The following RAB13 variants were observed in gnomAD, a reference collection of about 807,000 sequenced individuals.
RAB13 encodes RAB13, member RAS oncogene family, also known as ras-related protein Rab-13.
In RAB13, 15 loss-of-function variants were observed where a neutral mutation model predicts 29.3. That is an observed-to-expected ratio of 0.51 (90% CI 0.34 to 0.79). The LOEUF is 0.79. Among genes scored for constraint, RAB13 ranks in the 30% least tolerant of loss-of-function variants. The pLI, the probability that RAB13 is intolerant of heterozygous loss-of-function variation, is 0.01. For synonymous variants in RAB13, 82 were observed against 93.8 expected (o/e 0.87, Z 0.73); for missense variants, 186 against 255.5 (o/e 0.73, Z 1.85).
At chr1:153,982,628 T>C (rs1343401096) in intron 5 of RAB13, 28 bp from the exon 6 acceptor site, 1 of 1,612,154 alleles carries the variant, frequency 6.2e-7, no homozygotes, top group Non-Finnish European at 8.5e-7. Context: ...GGAAGAGAAT[T>C]GAATTAAGGA....
chr1:153,987,964 A>G (rs1179067496), upstream of RAB13, among the ~76,000 whole-genome samples: 10 of 151,292 alleles, frequency 6.6e-5, no homozygotes, highest in Admixed American at 6.6e-4. Context: ...GTTTCAAAAA[A>G]ATTTTTTATT....
chr1:153,982,451 T>C lies in RAB13; in HGVS notation c.481-7A>G, dbSNP rs748737518. On this transcript the variant is annotated splice_polypyrimidine_tract_variant and splice_region_variant and intron_variant, in intron 6 of 7. Coordinates refer to ENST00000368575, the MANE Select transcript of RAB13 (RefSeq NM_002870.5). ...GGGCCAGGGAACTAAAAGCCTAAAG[T>C]GGGGAACAGAGTCAGTTTGGAGGGA... The C allele has an allele frequency of 1.3e-5, 21 of 1,613,338 alleles. No homozygotes were observed. Among genetic ancestry groups the C allele is most frequent in the Admixed American group, 1.7e-5 (1 of 59,976 alleles).
chr1:153,982,405 C>G lies in RAB13; in HGVS notation c.520G>C (p.Gly174Arg), dbSNP rs1367877979. The change falls in exon 7 of 8, where the codon GGA becomes CGA. Residue 174 changes from glycine to arginine, a missense_variant. Gly to Arg is a moderately radical substitution (Grantham distance 125, BLOSUM62 -2). Transcript: ENST00000368575. ...AACCAACTTACTGATCTCCGGCCTC[C>G]TGACTTGAGCAAGATGTCCCGGGCC... ...SLARDILLKS[G>R]GRRSGNGNKP... is the part of the protein sequence containing the mutation. The G allele has an allele frequency of 6.2e-7, 1 of 1,613,778 alleles. No individual in the cohort carries two copies. Among genetic ancestry groups the G allele is most frequent in the East Asian group, 2.2e-5 (1 of 44,874 alleles).
intron 1 of RAB13, 193 bp downstream of exon 1, chr1:153,985,920 G>T: frequency 1.1e-6 from 1 of 876,362 alleles, no homozygotes; most frequent in Non-Finnish European, 1.6e-6. Flanking sequence ...GTTACCTGAA[G>T]GCCTCAGAGA....
chr1:153,989,822 G>T (rs1054112085), upstream of RAB13, among the ~76,000 whole-genome samples: 2 of 151,648 alleles, frequency 1.3e-5, no homozygotes, highest in East Asian at 4.0e-4. Flanking sequence ...AACGCGGGAG[G>T]CGGAGGTTGT....
intron 7 of RAB13, 67 bp downstream of exon 7, chr1:153,982,302 AACACACACACACACACACACAC>A: frequency 7.7e-7 from 1 of 1,296,930 alleles, no homozygotes; most frequent in African/African-American, 1.5e-5. Context: ...TATCAACACC[AACACACACACACACACACACAC>A]ACACACACAC....
rs140139850 is a variant in RAB13 at position 153,985,101 on chromosome 1, T to C, written c.125-320A>G. On this transcript the variant is annotated intron_variant, in intron 1 of 7. Coordinates refer to ENST00000368575, the MANE Select transcript of RAB13 (RefSeq NM_002870.5). ...AGCTGACAACTCTCTGAATTCAGTC[T>C]CTGTCTCCCCCCAGATATTACTTTC... is the stretch of plus-strand genomic sequence containing the variant. 35 of 1,088,094 alleles carry C rather than the reference T, an allele frequency of 3.2e-5. No individual in the cohort carries two copies. The African/African-American group carries it at 4.1e-4, about 13-fold the overall frequency. 67.4% of individuals were successfully genotyped at this position (1,088,094 alleles called of 1,614,324 possible). A position where few individuals can be genotyped will look rare whatever the true frequency, so the allele number is the denominator to read the frequency against.
At chr1:153,984,177 C>CAAA (rs751964337) in intron 2 of RAB13, among the ~76,000 whole-genome samples, 20 of 74,402 alleles carry the variant, frequency 2.7e-4, no homozygotes, top group East Asian at 4.0e-4. Flanking sequence ...AACTCTGTCT[C>CAAA]AAAAAAAAAA....
upstream of RAB13, among the ~76,000 whole-genome samples, chr1:153,987,053 T>G (rs1021632195): frequency 1.3e-5 from 2 of 152,154 alleles, no homozygotes; most frequent in African/African-American, 4.8e-5. Context: ...TCTGACCAAA[T>G]AGCTTAGGAA....
chr1:153,986,665 G>A (rs1387813807), upstream of RAB13, among the ~76,000 whole-genome samples: 1 of 151,884 alleles, frequency 6.6e-6, no homozygotes, highest in Non-Finnish European at 1.5e-5. Context: ...AGAACCAAGA[G>A]TTTTGGGAAT....
intron 2 of RAB13, among the ~76,000 whole-genome samples, chr1:153,984,226 T>C (rs1036582381): frequency 1.4e-5 from 2 of 138,468 alleles, no homozygotes; most frequent in African/African-American, 5.4e-5. Flanking sequence ...ATAGGCTGAA[T>C]AATTAATGAA....
intron 7 of RAB13, 27 bp from the exon 8 acceptor site, chr1:153,982,203 T>G: frequency 6.3e-7 from 1 of 1,594,544 alleles, no homozygotes. Context: ...ACAGGTGTCA[T>G]GGTGTGAATG....
chr1:153,982,471 G>A (rs1557891660), intron 6 of RAB13, 27 bp from the exon 7 acceptor site: 2 of 1,610,646 alleles, frequency 1.2e-6, no homozygotes. Context: ...AGTCAGTTTG[G>A]AGGGAGGAGA....
At position 153,982,519 on chromosome 1, in the gene RAB13, G is replaced by T. The variant is rs754903283; in HGVS notation, c.480+16C>A. On this transcript the variant is annotated intron_variant, in intron 6 of 7. Transcript: ENST00000368575. ...ATACTTCCTCTCTTGGTCGGGGATG[G>T]GGGTGTGGATCTCACCTCATCCACA... The T allele has an allele frequency of 6.2e-7, 1 of 1,610,584 alleles. No individual in the cohort carries two copies. Among genetic ancestry groups the T allele is most frequent in the South Asian group, 1.1e-5 (1 of 91,008 alleles).
Position 153,982,707 on chromosome 1 carries a change from C to G in RAB13, c.414+12G>C, listed in dbSNP as rs1384906219. ...AGCCCAGTTCTAGAACATTGCTCAG[C>G]CTGGCCCTCACCTTATCGGCCTGCT... On this transcript the variant is annotated intron_variant, in intron 5 of 7. Transcript: ENST00000368575. 3 of 1,614,040 alleles carry G rather than the reference C, an allele frequency of 1.9e-6. No homozygotes were observed. Among genetic ancestry groups the G allele is most frequent in the African/African-American group, 1.3e-5 (1 of 74,938 alleles).
At chr1:153,989,241 T>A (rs952105819), upstream of RAB13, among the ~76,000 whole-genome samples, 3 of 138,332 alleles carry the variant, frequency 2.2e-5, no homozygotes, top group Admixed American at 7.3e-5. Context: ...AAAGAAAAAA[T>A]TATTATTATT....
At chr1:153,985,218 A>G (rs1355926832) in intron 1 of RAB13, 1 of 988,086 alleles carries the variant, frequency 1.0e-6, no homozygotes, top group Admixed American at 6.1e-5. Flanking sequence ...AGCTGAAGCC[A>G]GTCTATGTGA....
upstream of RAB13, among the ~76,000 whole-genome samples, chr1:153,987,110 A>C (rs980986974): frequency 9.9e-5 from 15 of 152,206 alleles, no homozygotes; most frequent in African/African-American, 3.4e-4. Context: ...GAATCTTTTA[A>C]TATGGCCCAC....
In RAB13 at chr1:153,982,522, G is replaced by C; in HGVS notation, c.480+13C>G. On this transcript the variant is annotated intron_variant, in intron 6 of 7. Coordinates refer to ENST00000368575, the MANE Select transcript of RAB13 (RefSeq NM_002870.5). ...CTTCCTCTCTTGGTCGGGGATGGGG[G>C]TGTGGATCTCACCTCATCCACATTC... is the stretch of plus-strand genomic sequence containing the variant. 6.2e-7 allele frequency: 1 copy of C among 1,610,814 alleles called. No individual in the cohort carries two copies. The highest frequency in any genetic ancestry group is 8.5e-7 in the Non-Finnish European group (1 of 1,176,964).
Sources: allele counts gnomAD v4.1 joint callset (sites outside exome capture counted in the v4.1 genomes callset), GRCh38; gene constraint gnomAD v4.1.1; transcripts MANE v1.5; gene names NCBI Gene and HGNC (gene_info 2026-07-23, HGNC 2026-07-21).